FGF12: variants seen among roughly 807,000 people sequenced by gnomAD.
FGF12 encodes the protein fibroblast growth factor 12, also known as fibroblast growth factor 12B.
Under a neutral mutation model 23.6 loss-of-function variants are expected in FGF12, and 14 were observed. That is an observed-to-expected ratio of 0.59 (90% CI 0.39 to 0.93). The LOEUF is 0.93. Ranked by LOEUF, FGF12 falls within the 40% of genes least tolerant of loss-of-function variation. The probability of loss-of-function intolerance (pLI) is 0.00; values close to 1 mark genes in which losing one functional copy is unlikely to be tolerated. For missense variants in FGF12, 175 were observed against 217.8 expected, an observed-to-expected ratio of 0.80 and a Z score of 1.24; for synonymous variants, 62 against 77.3, an observed-to-expected ratio of 0.80 and a Z score of 1.04.
chr3:192,659,637 T>C (rs969675826), intron 2 of FGF12, among the ~76,000 whole-genome samples: 13 of 152,196 alleles, frequency 8.5e-5, no homozygotes, highest in Admixed American at 2.6e-4. Context: ...ATAGAAAAAG[T>C]TGAAGACTGT....
In FGF12 at chr3:192,676,465, T is replaced by C. The variant is rs186586902; in HGVS notation, c.13+50716A>G. ...AGAGGTAGACCTCAAGCTTCCTGTT[T>C]TGTGGTCCACAGTGCTTTCTAACTC... On this transcript the variant is annotated intron_variant, in intron 2 of 5. Coordinates refer to ENST00000445105, the MANE Select transcript of FGF12 (RefSeq NM_004113.6). 4.5e-4 allele frequency among the ~76,000 whole-genome samples: 69 copies of C among 152,354 alleles called. 1 individual carries two copies. Among genetic ancestry groups the C allele is most frequent in the Admixed American group, 3.9e-4 (6 of 15,302 alleles).
intron 4 of FGF12, among the ~76,000 whole-genome samples, chr3:192,182,884 T>C (rs1445453991): frequency 5.9e-5 from 9 of 152,158 alleles, no homozygotes; most frequent in African/African-American, 1.9e-4. Context: ...TTATTGGGGG[T>C]CTTATGTTCC....
At chr3:192,265,614 A>G (rs1177789080) in intron 4 of FGF12, among the ~76,000 whole-genome samples, 1 of 152,156 alleles carries the variant, frequency 6.6e-6, no homozygotes, top group Non-Finnish European at 1.5e-5. Context: ...AAAACTGTGT[A>G]AAATTTAACT....
At chr3:192,704,073 T>C (rs953711029) in intron 2 of FGF12, among the ~76,000 whole-genome samples, 1 of 152,222 alleles carries the variant, frequency 6.6e-6, no homozygotes, top group African/African-American at 2.4e-5. Context: ...TACTTTGGCC[T>C]ACTCTTACGA....
Position 192,408,963 on chromosome 3 carries a change from G to T in FGF12, c.14-48425C>A. 1.0e-6 allele frequency: 1 copy of T among 984,962 alleles called. No homozygotes were observed. The highest frequency in any genetic ancestry group is 1.2e-6 in the Non-Finnish European group (1 of 829,866). The allele number at this position is 984,962 out of a possible 1,614,324, so 61.0% of individuals were successfully genotyped here. A position where few individuals can be genotyped will look rare whatever the true frequency, so the allele number is the denominator to read the frequency against. ...TGGAATTCCGAGAGGCGCGAAGTGG[G>T]AGCGGTTACCCGGAGTCTGGGTAGG... On this transcript the variant is annotated intron_variant, in intron 2 of 5. Coordinates refer to ENST00000445105, the MANE Select transcript of FGF12 (RefSeq NM_004113.6). This position sits in a 1 kb window ranked among gnomAD's most constrained non-coding sequence, Gnocchi z 7.3.
chr3:192,273,163 A>C (rs150989931), intron 4 of FGF12, among the ~76,000 whole-genome samples: 1 of 152,206 alleles, frequency 6.6e-6, no homozygotes, highest in Non-Finnish European at 1.5e-5. Context: ...CTTCCAACAA[A>C]AGCTACTGAA....
intron 2 of FGF12, among the ~76,000 whole-genome samples, chr3:192,569,346 A>T (rs1206262940): frequency 6.6e-6 from 1 of 152,218 alleles, no homozygotes; most frequent in Non-Finnish European, 1.5e-5. Flanking sequence ...GATTTGAGTC[A>T]TTCCTCAGGA....
intron 2 of FGF12, among the ~76,000 whole-genome samples, chr3:192,719,626 G>A (rs1415402105): frequency 6.6e-6 from 1 of 151,642 alleles, no homozygotes; most frequent in Non-Finnish European, 1.5e-5. Flanking sequence ...AACATGTTTT[G>A]AAATGAAGGA....
intron 4 of FGF12, among the ~76,000 whole-genome samples, chr3:192,222,190 G>T (rs1718509004): frequency 6.6e-6 from 1 of 152,122 alleles, no homozygotes; most frequent in South Asian, 2.1e-4. Flanking sequence ...AGTACTTAGT[G>T]CTGAGTAGGT....
intron 2 of FGF12, among the ~76,000 whole-genome samples, chr3:192,374,613 G>A (rs757524239): frequency 6.6e-6 from 1 of 152,154 alleles, no homozygotes; most frequent in Non-Finnish European, 1.5e-5. Flanking sequence ...TGCTTACCAT[G>A]AGCCAGGGAC....
At chr3:192,392,591 CGAGA>C (rs67784749) in intron 2 of FGF12, among the ~76,000 whole-genome samples, 3,125 of 41,780 alleles carry the variant, frequency 0.075, 124 homozygotes, top group Admixed American at 0.097. Context: ...AGTGAAACTC[CGAGA>C]GAGAGAGAGA....
At chr3:192,169,817 C>T (rs1230133715) in intron 5 of FGF12, among the ~76,000 whole-genome samples, 2 of 133,532 alleles carry the variant, frequency 1.5e-5, no homozygotes, top group Non-Finnish European at 3.1e-5. Context: ...GCCTAGCTGC[C>T]AAAAATCGGT....
At chr3:192,702,100 T>C (rs1425391346) in intron 2 of FGF12, among the ~76,000 whole-genome samples, 1 of 152,216 alleles carries the variant, frequency 6.6e-6, no homozygotes, top group Non-Finnish European at 1.5e-5. Flanking sequence ...ATATTCCACG[T>C]ATAAGTGAGA....
chr3:192,643,770 G>T (rs1363865964), intron 2 of FGF12, among the ~76,000 whole-genome samples: 1 of 152,076 alleles, frequency 6.6e-6, no homozygotes, highest in African/African-American at 2.4e-5. Flanking sequence ...TTAAACCACA[G>T]AAAAGACTAT....
At chr3:192,309,143 A>G (rs1009222629) in intron 4 of FGF12, among the ~76,000 whole-genome samples, 2 of 152,216 alleles carry the variant, frequency 1.3e-5, no homozygotes, top group Non-Finnish European at 2.9e-5. Context: ...AATTGACTAT[A>G]AAAAATAACA....
At position 192,170,506 on chromosome 3, in the gene FGF12, C is replaced by T; in HGVS notation, c.379G>A (p.Val127Met). Reference protein sequence around the residue: ...KEGQIMKGNRVKKTKPSSHFV... With the variant: ...KEGQIMKGNRMKKTKPSSHFV... ...TGTGATGAGGGCTTGGTTTTCTTCA[C>T]TCTGTTCCCCTTCATAATTTGACCT... The change falls in exon 5 of 6, where the codon GTG becomes ATG. Residue 127 changes from valine to methionine, a missense_variant. Coordinates refer to ENST00000445105, the MANE Select transcript of FGF12 (RefSeq NM_004113.6). The T allele has an allele frequency of 6.2e-7, 1 of 1,614,062 alleles. No individual in the cohort carries two copies. Among genetic ancestry groups the T allele is most frequent in the Non-Finnish European group, 8.5e-7 (1 of 1,180,014 alleles).
chr3:192,180,488 C>T (rs1362730754), intron 4 of FGF12, among the ~76,000 whole-genome samples: 1 of 152,146 alleles, frequency 6.6e-6, no homozygotes, highest in Non-Finnish European at 1.5e-5. Context: ...ACAGGAAAAT[C>T]ATGGCAAGAT....
intron 2 of FGF12, among the ~76,000 whole-genome samples, chr3:192,597,675 A>G (rs1247988648): frequency 1.3e-5 from 2 of 152,192 alleles, no homozygotes; most frequent in African/African-American, 4.8e-5. Context: ...GAAAAGTCGG[A>G]GAAACTGGCC....
At chr3:192,156,717 C>T (rs1714445191) in intron 5 of FGF12, among the ~76,000 whole-genome samples, 1 of 152,172 alleles carries the variant, frequency 6.6e-6, no homozygotes, top group Non-Finnish European at 1.5e-5. Flanking sequence ...GCTTCCCTCA[C>T]CCCAGGATAT....
Sources: allele counts gnomAD v4.1 joint callset (sites outside exome capture counted in the v4.1 genomes callset), GRCh38; gene constraint gnomAD v4.1.1; non-coding constraint Gnocchi (gnomAD v3.1); transcripts MANE v1.5; gene names NCBI Gene and HGNC (gene_info 2026-07-23, HGNC 2026-07-21).